Variants in CERT1 observed in about 807,000 individuals in gnomAD.
CERT1 encodes the protein ceramide transfer protein.
A neutral mutation model predicts 87.9 loss-of-function variants in CERT1; 31 were observed. That is an observed-to-expected ratio of 0.35 (90% CI 0.27 to 0.48). CERT1 has a LOEUF of 0.48. Ranked by LOEUF, CERT1 falls within the 20% of genes least tolerant of loss-of-function variation. CERT1 has a pLI of 0.99. For synonymous variants in CERT1, 289 were observed against 250.9 expected (o/e 1.15, Z -1.44); for missense variants, 487 against 758.0 (o/e 0.64, Z 4.20).
chr5:75,406,039 T>C (rs917322413), intron 8 of CERT1, among the ~76,000 whole-genome samples: 1 of 152,260 alleles, frequency 6.6e-6, no homozygotes. Flanking sequence ...CCAGTCACAA[T>C]TGTTACTTTC....
At chr5:75,452,124 C>T (rs952213215) in intron 3 of CERT1, among the ~76,000 whole-genome samples, 18 of 152,202 alleles carry the variant, frequency 1.2e-4, no homozygotes, top group Non-Finnish European at 2.6e-4. Context: ...ATGCTTCACA[C>T]ATGAATTTGG....
At chr5:75,388,016 C>T (rs1243254447) in intron 12 of CERT1, among the ~76,000 whole-genome samples, 1 of 152,132 alleles carries the variant, frequency 6.6e-6, no homozygotes. Flanking sequence ...GGTGACTGAA[C>T]GATGACTACA....
chr5:75,444,306 A>G (rs537190298), intron 3 of CERT1, among the ~76,000 whole-genome samples: 1 of 152,126 alleles, frequency 6.6e-6, no homozygotes, highest in African/African-American at 2.4e-5. Context: ...CACCCACCTC[A>G]GCCTCCCAAA....
In CERT1 at chr5:75,384,660, G is replaced by A. The variant is rs772839005; in HGVS notation, c.1470C>T (p.Ile490=). 6.2e-7 allele frequency: 1 copy of A among 1,604,860 alleles called. No individual in the cohort carries two copies. The highest frequency in any genetic ancestry group is 1.3e-5 in the African/African-American group (1 of 74,858). Residue 490 remains isoleucine (I), a synonymous_variant, in exon 14 of 17, where the codon ATC becomes ATT. Coordinates refer to ENST00000643780, the MANE Select transcript of CERT1 (RefSeq NM_001379029.1). The part of the protein sequence containing the change: ...VVETLADNAI[I]IYQTHKRVWP... ...TCTTTACCTTGTGTGTTTGATAAATGATGATTGCATTATCAGCTAATGTTT... is the reference window on the plus strand; with the variant it reads ...TCTTTACCTTGTGTGTTTGATAAATAATGATTGCATTATCAGCTAATGTTT...
intron 15 of CERT1, 70 bp from the exon 16 acceptor site, chr5:75,381,271 ATTAGG>A: frequency 6.4e-7 from 1 of 1,560,990 alleles, no homozygotes; most frequent in Non-Finnish European, 8.8e-7. Context: ...CTAATATTAT[ATTAGG>A]TTAACCAAAA....
intron 3 of CERT1, among the ~76,000 whole-genome samples, chr5:75,434,604 G>A (rs149980942): frequency 6.7e-6 from 1 of 150,352 alleles, no homozygotes; most frequent in Admixed American, 6.6e-5. Context: ...ATAGAGCTAT[G>A]AATCCATGTG....
chr5:75,498,301 A>G (rs866146088), intron 2 of CERT1, among the ~76,000 whole-genome samples: 7 of 152,238 alleles, frequency 4.6e-5, no homozygotes, highest in African/African-American at 1.4e-4. Context: ...AAAAATTTGC[A>G]TAAGTAACAA....
rs1157308792 is a variant in CERT1, at chr5:75,459,076, C to G, written c.337G>C (p.Glu113Gln). ...ATTAGGGATCTTACCTTGTGCTGTT[C>G]AATGGCATCTATCCATTGCTGTCTA... ...DHRQQWIDAI[E>Q]QHKTESGYGS... The change falls in exon 3 of 17, where the codon GAA becomes CAA. Residue 113 changes from glutamate to glutamine, a missense_variant. Coordinates refer to ENST00000643780, the MANE Select transcript of CERT1 (RefSeq NM_001379029.1). 1 of 1,597,922 alleles carries G rather than the reference C, an allele frequency of 6.3e-7. No individual in the cohort carries two copies.
chr5:75,397,779 G>A (rs966038326), intron 11 of CERT1, among the ~76,000 whole-genome samples: 3 of 152,186 alleles, frequency 2.0e-5, no homozygotes, highest in Admixed American at 2.0e-4. Context: ...CCAGCACTTT[G>A]GGAGGCCGAG....
intron 3 of CERT1, among the ~76,000 whole-genome samples, chr5:75,439,875 A>G (rs976071389): frequency 1.3e-5 from 2 of 152,078 alleles, no homozygotes; most frequent in African/African-American, 4.8e-5. Flanking sequence ...TTTCATGCTC[A>G]TTAATATTAA....
At chr5:75,386,528 C>T (rs1345885763) in intron 12 of CERT1, among the ~76,000 whole-genome samples, 1 of 152,148 alleles carries the variant, frequency 6.6e-6, no homozygotes, top group Admixed American at 6.5e-5. Flanking sequence ...ATCTATCTTG[C>T]TTTAAATACT....
At chr5:75,486,586 T>G (rs72768359) in intron 2 of CERT1, among the ~76,000 whole-genome samples, 11,875 of 152,118 alleles carry the variant, frequency 0.078, 620 homozygotes, top group Non-Finnish European at 0.12. Context: ...GACCTTATAT[T>G]TGAAACAACC....
intron 3 of CERT1, among the ~76,000 whole-genome samples, chr5:75,439,747 A>G (rs1404340506): frequency 6.6e-6 from 1 of 152,132 alleles, no homozygotes; most frequent in Non-Finnish European, 1.5e-5. Context: ...AGCCAGATAC[A>G]ATACCTAAGA....
At chr5:75,416,238 G>A (rs1490276698) in intron 7 of CERT1, among the ~76,000 whole-genome samples, 1 of 152,072 alleles carries the variant, frequency 6.6e-6, no homozygotes, top group Non-Finnish European at 1.5e-5. Flanking sequence ...TGATGGCATT[G>A]GACTAGAACT....
At chr5:75,432,161 C>T (rs1763896807) in intron 3 of CERT1, among the ~76,000 whole-genome samples, 2 of 151,438 alleles carry the variant, frequency 1.3e-5, no homozygotes, top group African/African-American at 4.9e-5. Flanking sequence ...ATGCCATTCT[C>T]TCGCCTCAGC....
At chr5:75,461,399 C>T (rs895047633) in intron 2 of CERT1, among the ~76,000 whole-genome samples, 3 of 152,174 alleles carry the variant, frequency 2.0e-5, no homozygotes, top group African/African-American at 7.2e-5. Flanking sequence ...AGCCATCCCC[C>T]GTCACCCACT....
In CERT1 at chr5:75,379,082, CTGAGA is replaced by C. The variant is rs773862425; in HGVS notation, c.*259_*263del. ...TGGGGACTCCCAGCTACTGGGAAGG[CTGAGA>C]TGAGAGGATTGTTTGAGGCCAGAGG... On this transcript the variant is annotated 3_prime_UTR_variant, in exon 17 of 17. Coordinates refer to ENST00000643780, the MANE Select transcript of CERT1 (RefSeq NM_001379029.1). The C allele has an allele frequency of 3.8e-5, 12 of 312,316 alleles. No individual in the cohort carries two copies. Among genetic ancestry groups the C allele is most frequent in the Admixed American group, 9.1e-5 (2 of 21,862 alleles). 19.3% of individuals were successfully genotyped at this position (312,316 alleles called of 1,614,324 possible).
At chr5:75,415,288 T>A (rs1423352959) in intron 7 of CERT1, among the ~76,000 whole-genome samples, 4 of 152,162 alleles carry the variant, frequency 2.6e-5, no homozygotes, top group Admixed American at 2.6e-4. Context: ...ATCAGATAGA[T>A]CTGTAAGAAG....
chr5:75,501,463 G>C (rs780046602), intron 2 of CERT1, among the ~76,000 whole-genome samples: 4 of 152,292 alleles, frequency 2.6e-5, no homozygotes, highest in Middle Eastern at 3.4e-3. Context: ...CCTAAGGTGA[G>C]ACATGAAACT....
Sources: gnomAD v4.1 joint callset for allele counts (sites outside exome capture counted in the v4.1 genomes callset) on GRCh38, gnomAD v4.1.1 for gene constraint, MANE v1.5 for transcripts, NCBI Gene and HGNC (gene_info 2026-07-23, HGNC 2026-07-21) for gene names.